PRKD1: variants seen among roughly 807,000 people sequenced by gnomAD.
PRKD1 encodes the protein serine/threonine-protein kinase D1.
In PRKD1, 63 loss-of-function variants were observed where a neutral mutation model predicts 95.9. That is an observed-to-expected ratio of 0.66 (90% confidence interval 0.54 to 0.81). The LOEUF is 0.81. Among genes scored for constraint, PRKD1 ranks in the 30% least tolerant of loss-of-function variants. PRKD1 has a pLI of 0.00. For synonymous variants in PRKD1, 425 were observed against 423.1 expected, an observed-to-expected ratio of 1.00 and a Z score of -0.05; for missense variants, 1,048 against 1,165.3, an observed-to-expected ratio of 0.90 and a Z score of 1.47.
chr14:29,598,572 C>T (rs1475841767), intron 15 of PRKD1, among the ~76,000 whole-genome samples: 7 of 152,092 alleles, frequency 4.6e-5, no homozygotes, highest in East Asian at 1.9e-4. Context: ...TAGGCAGGAC[C>T]GGAAGGTGTT....
chr14:29,836,287 TA>T (rs1294830314), intron 1 of PRKD1, among the ~76,000 whole-genome samples: 1 of 152,178 alleles, frequency 6.6e-6, no homozygotes, highest in Non-Finnish European at 1.5e-5. Flanking sequence ...GAAGAGTTAT[TA>T]AAGATTTTTG....
chr14:29,579,098 C>T (rs964773105), intron 16 of PRKD1, among the ~76,000 whole-genome samples: 2 of 151,754 alleles, frequency 1.3e-5, no homozygotes, highest in African/African-American at 4.8e-5. Flanking sequence ...ACTGGGGAGT[C>T]TGTGAGTGTA....
At chr14:29,898,312 C>G (rs2139425415) in intron 1 of PRKD1, among the ~76,000 whole-genome samples, 1 of 152,056 alleles carries the variant, frequency 6.6e-6, no homozygotes, top group Non-Finnish European at 1.5e-5. Context: ...AAAAAGAATA[C>G]TTTTTTTAAA....
intron 2 of PRKD1, among the ~76,000 whole-genome samples, chr14:29,701,961 T>G (rs897109833): frequency 3.3e-5 from 5 of 152,190 alleles, no homozygotes; most frequent in African/African-American, 1.2e-4. Flanking sequence ...ATTTCCCCTT[T>G]CAGATCAGTT....
chr14:29,647,277 T>C (rs1427142214), intron 4 of PRKD1, among the ~76,000 whole-genome samples: 1 of 152,186 alleles, frequency 6.6e-6, no homozygotes, highest in Non-Finnish European at 1.5e-5. Flanking sequence ...AACTTTTATA[T>C]TGCCTCACTA....
chr14:29,822,293 C>G (rs1197261462), intron 1 of PRKD1, among the ~76,000 whole-genome samples: 3 of 152,190 alleles, frequency 2.0e-5, no homozygotes. Context: ...AGAACGATTT[C>G]TATAGAATCC....
intron 11 of PRKD1, 114 bp downstream of exon 11, chr14:29,628,927 T>C: frequency 1.5e-6 from 1 of 648,284 alleles, no homozygotes; most frequent in East Asian, 3.4e-5. Context: ...CAAATTCTAT[T>C]TTGCTTTCCA....
chr14:29,650,619 A>T (rs2146123), intron 4 of PRKD1: 1 of 152,210 alleles, frequency 6.6e-6, no homozygotes, highest in African/African-American at 2.4e-5. Context: ...GTGGACATGT[A>T]TCCTGAAAGA....
At chr14:29,709,632 G>T (rs1053141688) in intron 2 of PRKD1, among the ~76,000 whole-genome samples, 2 of 152,138 alleles carry the variant, frequency 1.3e-5, no homozygotes, top group Non-Finnish European at 2.9e-5. Flanking sequence ...GTAAGCTGGT[G>T]ACCCAGGAGA....
At chr14:29,628,766 C>T (rs953241822) in intron 11 of PRKD1, among the ~76,000 whole-genome samples, 1 of 151,874 alleles carries the variant, frequency 6.6e-6, no homozygotes, top group African/African-American at 2.4e-5. Flanking sequence ...AATTCCAGTA[C>T]CAAGAAGGGC....
intron 1 of PRKD1, among the ~76,000 whole-genome samples, chr14:29,883,213 C>G (rs1349682501): frequency 6.6e-6 from 1 of 152,150 alleles, no homozygotes; most frequent in Non-Finnish European, 1.5e-5. Flanking sequence ...CAGCATCAAA[C>G]CATGAGGCTC....
At chr14:29,621,399 TC>T (rs1879257586) in intron 13 of PRKD1, among the ~76,000 whole-genome samples, 1 of 152,068 alleles carries the variant, frequency 6.6e-6, no homozygotes, top group South Asian at 2.1e-4. Flanking sequence ...TTTCTCTCTC[TC>T]TCTTTCTCTC....
At chr14:29,671,641 C>T (rs1249067023) in intron 2 of PRKD1, among the ~76,000 whole-genome samples, 1 of 151,438 alleles carries the variant, frequency 6.6e-6, no homozygotes, top group Non-Finnish European at 1.5e-5. Flanking sequence ...AAGAAGAAAA[C>T]AAAGTCTAGG....
intron 2 of PRKD1, among the ~76,000 whole-genome samples, chr14:29,690,773 G>A (rs1360083543): frequency 6.6e-6 from 1 of 152,160 alleles, no homozygotes; most frequent in Non-Finnish European, 1.5e-5. Flanking sequence ...TTTGTGACAT[G>A]TATGTGCACT....
chr14:29,664,332 G>C (rs984591383), intron 3 of PRKD1, among the ~76,000 whole-genome samples: 1 of 152,154 alleles, frequency 6.6e-6, no homozygotes, highest in Non-Finnish European at 1.5e-5. Context: ...TAAAATGGAG[G>C]TAATAACTAC....
chr14:29,776,352 A>G (rs932045400), intron 1 of PRKD1, among the ~76,000 whole-genome samples: 9 of 152,180 alleles, frequency 5.9e-5, no homozygotes, highest in Non-Finnish European at 1.3e-4. Context: ...TCTCCGAGCT[A>G]AAGGAGGATG....
chr14:29,746,985 T>G (rs927932711), intron 1 of PRKD1, among the ~76,000 whole-genome samples: 22 of 152,310 alleles, frequency 1.4e-4, no homozygotes, highest in Admixed American at 5.2e-4. Flanking sequence ...CCTAATTTTA[T>G]TCTACAAGAT....
chr14:29,877,457 T>C (rs979514702), intron 1 of PRKD1, among the ~76,000 whole-genome samples: 2 of 152,230 alleles, frequency 1.3e-5, no homozygotes, highest in African/African-American at 4.8e-5. Flanking sequence ...ACTCTGTTAA[T>C]AGTTTATTTT....
At chr14:29,634,294 G>A (rs958844207) in intron 8 of PRKD1, 124 bp downstream of exon 8, 18 of 1,410,944 alleles carry the variant, frequency 1.3e-5, no homozygotes, top group Admixed American at 3.5e-5. Context: ...ACCTAATCCC[G>A]TGTCATGCCT....
Sources: gnomAD v4.1 joint callset for allele counts (sites outside exome capture counted in the v4.1 genomes callset) on GRCh38, gnomAD v4.1.1 for gene constraint, MANE v1.5 for transcripts, NCBI Gene and HGNC (gene_info 2026-07-23, HGNC 2026-07-21) for gene names.